SLC8A3: variants seen among roughly 807,000 people sequenced by gnomAD.
SLC8A3 encodes sodium/calcium exchanger 3.
A neutral mutation model predicts 65.4 loss-of-function variants in SLC8A3; 37 were observed. The ratio of observed to expected loss-of-function variants is 0.57; its 90% CI spans 0.44 to 0.74. The LOEUF is 0.74. Among genes scored for constraint, SLC8A3 ranks in the 30% least tolerant of loss-of-function variants. The pLI is 0.00. For synonymous variants in SLC8A3, 461 were observed against 444.5 expected, an observed-to-expected ratio of 1.04 and a Z score of -0.47; for missense variants, 1,112 against 1,172.1, an observed-to-expected ratio of 0.95 and a Z score of 0.75.
chr14:70,109,783 A>G (rs1447265137), intron 2 of SLC8A3, among the ~76,000 whole-genome samples: 4 of 152,220 alleles, frequency 2.6e-5, no homozygotes, highest in African/African-American at 9.6e-5. Flanking sequence ...AATAAAAAAT[A>G]AGAACAAAAT....
At chr14:70,069,852 G>A (rs1889847276) in intron 2 of SLC8A3, among the ~76,000 whole-genome samples, 2 of 152,162 alleles carry the variant, frequency 1.3e-5, no homozygotes, top group Non-Finnish European at 2.9e-5. Context: ...AATCACCCAA[G>A]CATCTTGTTA....
At chr14:70,099,457 TA>T (rs1331802326) in intron 2 of SLC8A3, among the ~76,000 whole-genome samples, 1 of 152,226 alleles carries the variant, frequency 6.6e-6, no homozygotes, top group Non-Finnish European at 1.5e-5. Context: ...CTTCATGGAC[TA>T]GCATAATGAC....
At chr14:70,128,821 T>C (rs1332036165) in intron 2 of SLC8A3, among the ~76,000 whole-genome samples, 1 of 152,206 alleles carries the variant, frequency 6.6e-6, no homozygotes, top group Admixed American at 6.5e-5. Context: ...ATGATAGGTG[T>C]AGGTATAAAA....
At chr14:70,064,560 G>A (rs569266953) in intron 2 of SLC8A3, among the ~76,000 whole-genome samples, 5 of 152,132 alleles carry the variant, frequency 3.3e-5, no homozygotes, top group South Asian at 2.1e-4. Flanking sequence ...TGGCGGCGGC[G>A]GGGATGCTGG....
chr14:70,049,639 A>AG (rs1887242599), intron 5 of SLC8A3, among the ~76,000 whole-genome samples: 1 of 152,086 alleles, frequency 6.6e-6, no homozygotes, highest in African/African-American at 2.4e-5. Flanking sequence ...ATTAAAAAAA[A>AG]AAAGAAAGGA....
chr14:70,079,588 C>T (rs954113402), intron 2 of SLC8A3, among the ~76,000 whole-genome samples: 2 of 152,124 alleles, frequency 1.3e-5, no homozygotes, highest in South Asian at 4.1e-4. Flanking sequence ...TCTAATCACA[C>T]CCTTTCTGCA....
intron 1 of SLC8A3, among the ~76,000 whole-genome samples, chr14:70,182,725 T>C (rs938287708): frequency 1.3e-5 from 2 of 152,088 alleles, no homozygotes; most frequent in African/African-American, 4.8e-5. Context: ...CTCAAGAGTT[T>C]GTTGAAGGCA....
Position 70,052,027 on chromosome 14 carries a change from T to G in SLC8A3, c.1976A>C (p.Lys659Thr). 1.9e-6 allele frequency: 3 copies of G among 1,613,566 alleles called. No individual in the cohort carries two copies. The South Asian group carries it at 3.3e-5, about 18-fold the overall frequency. Residue 659 changes from lysine to threonine, a missense_variant, in exon 4 of 7, where the codon AAA becomes ACA. Lys to Thr is a moderately conservative substitution (Grantham distance 78, BLOSUM62 -1). Transcript: ENST00000356921. ...MGKPVLGEHP[K>T]LEVIIEESYE... ...GGACTCTTCAATGATGACTTCTAGT[T>G]TGGGGTGTTCACCCAATACTGGCTT...
chr14:70,182,203 A>T (rs1356362592), intron 1 of SLC8A3, among the ~76,000 whole-genome samples: 3 of 152,112 alleles, frequency 2.0e-5, no homozygotes. Flanking sequence ...GGAAGTCAGG[A>T]GGAGAAGCTC....
chr14:70,092,148 G>A (rs1374679011), intron 2 of SLC8A3, among the ~76,000 whole-genome samples: 3 of 151,946 alleles, frequency 2.0e-5, no homozygotes, highest in Admixed American at 6.5e-5. Flanking sequence ...ACCTTCCTTC[G>A]TGTCCCTTGG....
chr14:70,129,610 T>C (rs1318208879), intron 2 of SLC8A3, among the ~76,000 whole-genome samples: 1 of 152,166 alleles, frequency 6.6e-6, no homozygotes, highest in African/African-American at 2.4e-5. Context: ...GTGGAAGAGA[T>C]AAGGATAAAT....
intron 1 of SLC8A3, among the ~76,000 whole-genome samples, chr14:70,171,766 C>T (rs1240559606): frequency 6.6e-6 from 1 of 152,144 alleles, no homozygotes; most frequent in Non-Finnish European, 1.5e-5. Context: ...CGCCATTGCA[C>T]TCCCACCCGG....
chr14:70,086,409 T>C (rs200133975), intron 2 of SLC8A3, among the ~76,000 whole-genome samples: 11,844 of 145,450 alleles, frequency 0.081, 759 homozygotes, highest in East Asian at 0.4. Flanking sequence ...TTCTTTTTTT[T>C]TTTTTTTTTT....
intron 1 of SLC8A3, among the ~76,000 whole-genome samples, chr14:70,179,924 G>A (rs553854302): frequency 6.6e-5 from 10 of 152,294 alleles, no homozygotes; most frequent in Middle Eastern, 3.4e-3. Flanking sequence ...CCAAACCTTC[G>A]TGCTGTGAAT....
At chr14:70,155,905 T>C (rs1479078167) in intron 2 of SLC8A3, among the ~76,000 whole-genome samples, 1 of 152,272 alleles carries the variant, frequency 6.6e-6, no homozygotes, top group African/African-American at 2.4e-5. Flanking sequence ...ATAGAAAGTT[T>C]ATATTCTTCC....
intron 2 of SLC8A3, among the ~76,000 whole-genome samples, chr14:70,064,460 TC>T (rs1476431297): frequency 6.6e-6 from 1 of 151,858 alleles, no homozygotes; most frequent in Admixed American, 6.6e-5. Flanking sequence ...TTTGTGGAAA[TC>T]TTGCCCAGAA....
chr14:70,098,144 A>G (rs1216222395), intron 2 of SLC8A3, among the ~76,000 whole-genome samples: 1 of 152,166 alleles, frequency 6.6e-6, no homozygotes, highest in Non-Finnish European at 1.5e-5. Context: ...TTCCCCTGAC[A>G]TGTGACCAGG....
chr14:70,181,650 T>C (rs1882759830), intron 1 of SLC8A3, among the ~76,000 whole-genome samples: 1 of 151,992 alleles, frequency 6.6e-6, no homozygotes, highest in South Asian at 2.1e-4. Context: ...TGTGAACAAA[T>C]GCACAAAAGC....
At chr14:70,164,764 GT>G (rs1318566948) in intron 2 of SLC8A3, among the ~76,000 whole-genome samples, 1 of 152,158 alleles carries the variant, frequency 6.6e-6, no homozygotes, top group African/African-American at 2.4e-5. Context: ...TGGTCTTAAT[GT>G]CATTTAATGC....
Sources: allele counts gnomAD v4.1 joint callset (sites outside exome capture counted in the v4.1 genomes callset), GRCh38; gene constraint gnomAD v4.1.1; transcripts MANE v1.5; gene names NCBI Gene and HGNC (gene_info 2026-07-23, HGNC 2026-07-21).